ENTPD7: variants seen among roughly 807,000 people sequenced by gnomAD.
The protein encoded by ENTPD7 is ectonucleoside triphosphate diphosphohydrolase 7, also known as NTPDase 7.
In ENTPD7, 53 loss-of-function variants were observed where a neutral mutation model predicts 77.9. The observed-to-expected ratio is 0.68, with a 90% CI of 0.55 to 0.85. The LOEUF is 0.85. ENTPD7 is among the 40% of genes least tolerant of loss of function. ENTPD7 has a pLI of 0.00. For missense variants in ENTPD7, 636 were observed against 743.7 expected (o/e 0.86, Z 1.68); for synonymous variants, 248 against 274.9 (o/e 0.90, Z 0.97).
intron 3 of ENTPD7, among the ~76,000 whole-genome samples, chr10:99,674,989 T>C (rs969712885): frequency 6.6e-6 from 1 of 152,258 alleles, no homozygotes; most frequent in African/African-American, 2.4e-5. Context: ...TGCTATATGC[T>C]GAAGTTGTCT....
chr10:99,674,645 C>T (rs183087805), intron 3 of ENTPD7, among the ~76,000 whole-genome samples: 29 of 152,290 alleles, frequency 1.9e-4, no homozygotes, highest in Admixed American at 7.9e-4. Flanking sequence ...CTTTTTAAGG[C>T]GGAATAATAT....
chr10:99,704,375 G>A (rs2036204992), intron 12 of ENTPD7, 77 bp from the exon 13 acceptor site: 21 of 1,375,978 alleles, frequency 1.5e-5, no homozygotes, highest in Non-Finnish European at 2.1e-5. Context: ...AACACTACTG[G>A]GCCTTTCAAA....
In ENTPD7 at chr10:99,704,800, G is replaced by A. The variant is rs529131412; in HGVS notation, c.*117G>A. ...TCTGACCTTGTGGATATTTGCCCTTGGAATTTCTACTTTACTTTCTACCGT... is the reference window on the plus strand; with the variant it reads ...TCTGACCTTGTGGATATTTGCCCTTAGAATTTCTACTTTACTTTCTACCGT... On this transcript the variant is annotated 3_prime_UTR_variant, in exon 13 of 13. Transcript: ENST00000370489. The A allele has an allele frequency of 5.3e-6, 5 of 946,418 alleles. No homozygotes were observed. The East Asian group carries it at 7.9e-5, about 15-fold the overall frequency. The allele number at this position is 946,418 out of a possible 1,614,324, so 58.6% of individuals were successfully genotyped here. A position where few individuals can be genotyped will look rare whatever the true frequency, so the allele number is the denominator to read the frequency against.
intron 5 of ENTPD7, 71 bp downstream of exon 5, chr10:99,679,946 T>C: frequency 1.3e-6 from 2 of 1,522,034 alleles, no homozygotes; most frequent in East Asian, 2.3e-5. Context: ...TCATGCACTG[T>C]CCTCTGTGGT....
At chr10:99,670,960 G>A (rs2035612944) in intron 3 of ENTPD7, among the ~76,000 whole-genome samples, 1 of 152,122 alleles carries the variant, frequency 6.6e-6, no homozygotes, top group African/African-American at 2.4e-5. Context: ...CAAGGCTTCA[G>A]TGAGTCGTAA....
rs987855333 is a variant in ENTPD7, at chr10:99,696,022, G to T, written c.910G>T (p.Val304Leu). 2 of 1,614,180 alleles carry T rather than the reference G, an allele frequency of 1.2e-6. No individual in the cohort carries two copies. Among genetic ancestry groups the T allele is most frequent in the Middle Eastern group, 1.6e-4 (1 of 6,062 alleles). Residue 304 changes from valine (V) to leucine (L), a missense_variant, in exon 9 of 13, where the codon GTG becomes TTG. By Grantham distance (32) the Val-to-Leu change is conservative (BLOSUM62 1). Coordinates refer to ENST00000370489, the MANE Select transcript of ENTPD7 (RefSeq NM_020354.5). ...CTGTGATGTGCAACACACTGAACAC[G>T]TGTACAGGGTTTATGTCACAACTTT... ...LGCDVQHTEH[V>L]YRVYVTTFLG...
At chr10:99,664,860 A>G (rs1254975997) in intron 3 of ENTPD7, among the ~76,000 whole-genome samples, 1 of 152,214 alleles carries the variant, frequency 6.6e-6, no homozygotes, top group Non-Finnish European at 1.5e-5. Context: ...CTGGAAGTCC[A>G]GGGGTAGAAG....
rs1036432628 is a variant in ENTPD7, at chr10:99,710,456, T to G, written c.*5773T>G. Reference sequence around the variant, plus strand: ...CATCTTTTTATTATGATCTACACTTTAAAAAACCAAAGGCTGCCTGTATTA... The same window carrying G: ...CATCTTTTTATTATGATCTACACTTGAAAAAACCAAAGGCTGCCTGTATTA... On this transcript the variant is annotated 3_prime_UTR_variant, in exon 13 of 13. Coordinates refer to ENST00000370489, the MANE Select transcript of ENTPD7 (RefSeq NM_020354.5). 3.6e-5 allele frequency: 35 copies of G among 985,436 alleles called. No homozygotes were observed. The Admixed American group carries it at 4.3e-4, about 12-fold the overall frequency. 61.0% of individuals were successfully genotyped at this position (985,436 alleles called of 1,614,324 possible).
chr10:99,704,614 C>G lies in ENTPD7; in HGVS notation c.1746C>G (p.Ala582=). Residue 582 remains alanine, a synonymous_variant, in exon 13 of 13, where the codon GCC becomes GCG. Transcript: ENST00000370489. ...GAATTCACCACCGACAAACACGAGCCTCAGCTCCATTGGACTTGCTGTGGC... is the reference window on the plus strand; with the variant it reads ...GAATTCACCACCGACAAACACGAGCGTCAGCTCCATTGGACTTGCTGTGGC... ...LRRIHHRQTR[A]SAPLDLLWLE... is the part of the protein sequence containing the mutation. The G allele has an allele frequency of 6.2e-7, 1 of 1,614,184 alleles. No homozygotes were observed. Among genetic ancestry groups the G allele is most frequent in the Non-Finnish European group, 8.5e-7 (1 of 1,180,030 alleles).
At chr10:99,690,213 T>C (rs1051031739) in intron 7 of ENTPD7, among the ~76,000 whole-genome samples, 4 of 152,194 alleles carry the variant, frequency 2.6e-5, no homozygotes, top group Admixed American at 6.5e-5. Flanking sequence ...ACCCTAGACC[T>C]GGCATTGGCC....
Position 99,698,660 on chromosome 10 carries a change from G to A in ENTPD7, c.1137G>A (p.Trp379Ter). ...QVLHVRGRGD[W>*]VSCGAMLSPL... ...TACATGTCCGAGGAAGAGGAGACTG[G>A]GTGTCTTGTGGGGCAATGCTGAGCC... is the stretch of plus-strand genomic sequence containing the variant. The change falls in exon 10 of 13, where the codon TGG (tryptophan) becomes TGA (stop). Residue 379 changes from tryptophan (W) to a stop codon, truncating the protein, a stop_gained. Coordinates refer to ENST00000370489, the MANE Select transcript of ENTPD7 (RefSeq NM_020354.5). LOFTEE classifies it high-confidence loss of function. The A allele has an allele frequency of 6.2e-7, 1 of 1,614,174 alleles. No homozygotes were observed.
chr10:99,688,461 C>T (rs1304110846), intron 6 of ENTPD7, among the ~76,000 whole-genome samples: 1 of 152,030 alleles, frequency 6.6e-6, no homozygotes, highest in Non-Finnish European at 1.5e-5. Context: ...ACTTCTTAGA[C>T]ATTTGTTATA....
chr10:99,679,526 A>C, intron 4 of ENTPD7, 60 bp downstream of exon 4: 1 of 1,520,494 alleles, frequency 6.6e-7, no homozygotes, highest in Non-Finnish European at 8.8e-7. Context: ...AGGAGACAAA[A>C]GAAGCAGAAA....
At position 99,705,474 on chromosome 10, in the gene ENTPD7, A is replaced by G. The variant is rs2036234018; in HGVS notation, c.*791A>G. The G allele has an allele frequency of 6.6e-6, 1 of 152,174 alleles. No homozygotes were observed. The allele number at this position is 152,174 out of a possible 1,614,324, so 9.4% of individuals were successfully genotyped here. A position where few individuals can be genotyped will look rare whatever the true frequency, so the allele number is the denominator to read the frequency against. ...TTAAGTGTGTTAGTAGGATGGAGAAACTGTGATGGGGACTGGGAACCTGGA... is the reference window on the plus strand; with the variant it reads ...TTAAGTGTGTTAGTAGGATGGAGAAGCTGTGATGGGGACTGGGAACCTGGA... On this transcript the variant is annotated 3_prime_UTR_variant, in exon 13 of 13. Coordinates refer to ENST00000370489, the MANE Select transcript of ENTPD7 (RefSeq NM_020354.5).
chr10:99,687,089 G>C (rs1318012254), intron 6 of ENTPD7, among the ~76,000 whole-genome samples: 1 of 148,950 alleles, frequency 6.7e-6, no homozygotes, highest in Non-Finnish European at 1.5e-5. Flanking sequence ...GGCTAATTTT[G>C]TATTTTTAGT....
rs2036306512 is a variant in ENTPD7 at position 99,709,025 on chromosome 10, A to G, written c.*4342A>G. On this transcript the variant is annotated 3_prime_UTR_variant, in exon 13 of 13. Transcript: ENST00000370489. ...AAATACTTTGTCAGAAATAGTGCCAAGTTTTCACTACATCTATTCTTGTTC... is the reference window on the plus strand; with the variant it reads ...AAATACTTTGTCAGAAATAGTGCCAGGTTTTCACTACATCTATTCTTGTTC... 7 of 984,340 alleles carry G rather than the reference A, an allele frequency of 7.1e-6. No individual in the cohort carries two copies. Among genetic ancestry groups the G allele is most frequent in the Non-Finnish European group, 8.4e-6 (7 of 829,012 alleles). 61.0% of individuals were successfully genotyped at this position (984,340 alleles called of 1,614,324 possible). A position where few individuals can be genotyped will look rare whatever the true frequency, so the allele number is the denominator to read the frequency against.
intron 12 of ENTPD7, among the ~76,000 whole-genome samples, chr10:99,703,713 CTTTA>C (rs2036189775): frequency 6.6e-6 from 1 of 151,898 alleles, no homozygotes; most frequent in Admixed American, 6.6e-5. Context: ...AACATAGTAC[CTTTA>C]TTTTTTATTA....
chr10:99,700,982 G>A lies in ENTPD7; in HGVS notation c.1345G>A (p.Gly449Ser). ...TCTGTGGTTGATCCAGGATTACTGT[G>A]GCATGGCTTGGTCGGTACTAACTCA... ...TFAKAAQDYC[G>S]MAWSVLTQRF... is the part of the protein sequence containing the mutation. The change falls in exon 11 of 13, where the codon GGC becomes AGC. Residue 449 changes from glycine to serine, a missense_variant. This residue lies in a region of ENTPD7 where 486 missense variants were observed against 556.5 expected (regional missense o/e 0.87). Transcript: ENST00000370489. 1 of 1,613,786 alleles carries A rather than the reference G, an allele frequency of 6.2e-7. No homozygotes were observed.
At chr10:99,698,173 T>G (rs1194607260) in intron 9 of ENTPD7, among the ~76,000 whole-genome samples, 1 of 152,204 alleles carries the variant, frequency 6.6e-6, no homozygotes, top group Non-Finnish European at 1.5e-5. Context: ...CTACCAGTTG[T>G]ATTTTTAAAC....
Sources: allele counts gnomAD v4.1 joint callset (sites outside exome capture counted in the v4.1 genomes callset), GRCh38; gene constraint gnomAD v4.1.1; regional missense constraint gnomAD v4.1.1; transcripts MANE v1.5; gene names NCBI Gene and HGNC (gene_info 2026-07-23, HGNC 2026-07-21).